The following TYW1B variants were observed in gnomAD, a reference collection of about 807,000 sequenced individuals.
TYW1B encodes the protein tRNA-yW synthesizing protein 1 homolog B.
In TYW1B, 73 loss-of-function variants were observed where a neutral mutation model predicts 86.9. The ratio of observed to expected loss-of-function variants is 0.84; its 90% CI spans 0.70 to 1.02. TYW1B has a LOEUF of 1.02. Ranked by LOEUF, TYW1B falls within the 50% of genes least tolerant of loss-of-function variation. The probability of loss-of-function intolerance (pLI) is 0.00; values close to 1 mark genes in which losing one functional copy is unlikely to be tolerated. For missense variants in TYW1B, 637 were observed against 827.4 expected (o/e 0.77, Z 2.82); for synonymous variants, 248 against 292.8 (o/e 0.85, Z 1.56).
chr7:72,668,798 A>G (rs1451561525), intron 11 of TYW1B, among the ~76,000 whole-genome samples: 1 of 152,218 alleles, frequency 6.6e-6, no homozygotes, highest in Non-Finnish European at 1.5e-5. Flanking sequence ...TATGCATTAA[A>G]TAACGCTAGG....
At chr7:72,739,746 C>T (rs1787269024) in intron 8 of TYW1B, among the ~76,000 whole-genome samples, 1 of 144,714 alleles carries the variant, frequency 6.9e-6, no homozygotes, top group African/African-American at 2.6e-5. Context: ...GGCACCAAGG[C>T]TAATGTGGTG....
chr7:72,750,790 A>G (rs1787486165), intron 7 of TYW1B, among the ~76,000 whole-genome samples: 2 of 152,186 alleles, frequency 1.3e-5, no homozygotes, highest in African/African-American at 4.8e-5. Flanking sequence ...TTTTTCAGAT[A>G]TTCGAATATT....
At chr7:72,691,989 T>C (rs1240989726) in intron 11 of TYW1B, among the ~76,000 whole-genome samples, 4 of 151,864 alleles carry the variant, frequency 2.6e-5, no homozygotes, top group Non-Finnish European at 5.9e-5. Context: ...GCGGATCACT[T>C]GAGGTCAGGA....
In TYW1B at chr7:72,673,708, G is replaced by A. The variant is rs184217396; in HGVS notation, c.1506+20979C>T. On this transcript the variant is annotated intron_variant, in intron 11 of 13. Transcript: ENST00000620995. ...GATAGCACAACAGGTTGACTATATA[G>A]TCAAACTTAATTTAATTGTACATTT... Among the ~76,000 whole-genome samples the A allele has an allele frequency of 5.6e-3, 851 of 152,236 alleles. 10 individuals are homozygous for A. The highest frequency in any genetic ancestry group is 0.02 in the African/African-American group (828 of 41,534).
chr7:72,758,400 C>T (rs1787629615), intron 7 of TYW1B, among the ~76,000 whole-genome samples: 1 of 151,980 alleles, frequency 6.6e-6, no homozygotes, highest in Non-Finnish European at 1.5e-5. Flanking sequence ...TTATTATGTT[C>T]CCATTGCTAT....
intron 11 of TYW1B, among the ~76,000 whole-genome samples, chr7:72,679,310 G>A (rs1813814198): frequency 6.6e-6 from 1 of 152,144 alleles, no homozygotes; most frequent in Admixed American, 6.5e-5. Flanking sequence ...TATTGCACAT[G>A]TGCACAAAGA....
chr7:72,591,579 CT>C (rs1166826106), intron 13 of TYW1B, among the ~76,000 whole-genome samples: 1 of 152,108 alleles, frequency 6.6e-6, no homozygotes, highest in Non-Finnish European at 1.5e-5. Flanking sequence ...GAATCCTATA[CT>C]GGCAAAACAC....
At chr7:72,603,377 T>TGATG (rs1196384668) in intron 13 of TYW1B, among the ~76,000 whole-genome samples, 1 of 151,386 alleles carries the variant, frequency 6.6e-6, no homozygotes, top group South Asian at 2.1e-4. Flanking sequence ...GATAGACAGA[T>TGATG]GATGGATGGA....
At chr7:72,716,631 C>CTGT (rs138304885) in intron 9 of TYW1B, among the ~76,000 whole-genome samples, 111,413 of 149,114 alleles carry the variant, frequency 0.75, 41,982 homozygotes, top group Middle Eastern at 0.85. Flanking sequence ...GGGGCTGTGG[C>CTGT]TGTTGTTGTT....
chr7:72,618,727 TCA>T (rs1345313787), intron 12 of TYW1B, among the ~76,000 whole-genome samples: 1 of 152,182 alleles, frequency 6.6e-6, no homozygotes, highest in African/African-American at 2.4e-5. Flanking sequence ...GAGAATCTTC[TCA>T]GTTTGCCCAG....
intron 6 of TYW1B, among the ~76,000 whole-genome samples, chr7:72,786,258 A>C (rs1554472437): frequency 6.6e-6 from 1 of 152,166 alleles, no homozygotes; most frequent in Admixed American, 6.6e-5. Context: ...ACAATCATGA[A>C]AAACGAAAAC....
At chr7:72,587,244 CAA>C (rs1554430636) in intron 13 of TYW1B, among the ~76,000 whole-genome samples, 5 of 152,062 alleles carry the variant, frequency 3.3e-5, no homozygotes, top group African/African-American at 4.8e-5. Context: ...TTTTAGACTA[CAA>C]AAAAGAGTGT....
In TYW1B at chr7:72,585,691, G is replaced by A. The variant is rs141460079; in HGVS notation, c.1786-9972C>T. ...TACGAAGGGGGGTTTCCCTGCACAA[G>A]TTCTCTTCTCTTGTCTGCCTCCATG... On this transcript the variant is annotated intron_variant, in intron 13 of 13. Coordinates refer to ENST00000620995, the MANE Select transcript of TYW1B (RefSeq NM_001145440.3). 1.2e-4 allele frequency among the ~76,000 whole-genome samples: 19 copies of A among 152,258 alleles called. No homozygotes were observed. In the East Asian group the frequency reaches 3.5e-3, roughly 28 times the overall value.
At chr7:72,638,231 G>C (rs1376321862) in intron 11 of TYW1B, among the ~76,000 whole-genome samples, 3 of 151,592 alleles carry the variant, frequency 2.0e-5, no homozygotes, top group African/African-American at 7.2e-5. Flanking sequence ...TCAAACAAAA[G>C]ACCAGCACTG....
At chr7:72,654,372 G>A (rs1813148499) in intron 11 of TYW1B, among the ~76,000 whole-genome samples, 1 of 152,054 alleles carries the variant, frequency 6.6e-6, no homozygotes, top group Non-Finnish European at 1.5e-5. Context: ...TCCTAATCAA[G>A]GGACATTCTA....
chr7:72,600,896 A>C (rs1157940635), intron 13 of TYW1B, among the ~76,000 whole-genome samples: 16 of 151,988 alleles, frequency 1.1e-4, no homozygotes, highest in African/African-American at 3.6e-4. Flanking sequence ...GTGGCTCACA[A>C]CTGTAATCCC....
At chr7:72,577,573 A>ACAC (rs1483764554) in intron 13 of TYW1B, among the ~76,000 whole-genome samples, 1 of 152,094 alleles carries the variant, frequency 6.6e-6, no homozygotes, top group Non-Finnish European at 1.5e-5. Flanking sequence ...CTGGCCCTTC[A>ACAC]CACCTCCATC....
chr7:72,826,268 C>T (rs113448761), intron 2 of TYW1B, among the ~76,000 whole-genome samples: 145,415 of 152,304 alleles, frequency 0.95, 69,486 homozygotes, highest in East Asian at 1. Context: ...ATCCATCAAG[C>T]CTAAATCGTT....
intron 7 of TYW1B, chr7:72,769,055 G>C: frequency 2.7e-6 from 1 of 368,638 alleles, no homozygotes; most frequent in Non-Finnish European, 5.3e-6. Context: ...ATAATTTATG[G>C]GATGGTGCAA....
Sources: allele counts gnomAD v4.1 joint callset (sites outside exome capture counted in the v4.1 genomes callset), GRCh38; gene constraint gnomAD v4.1.1; transcripts MANE v1.5; gene names NCBI Gene and HGNC (gene_info 2026-07-23, HGNC 2026-07-21).